The following DTWD1 variants were observed in gnomAD, a reference collection of about 807,000 sequenced individuals.
DTWD1 encodes the protein tRNA-uridine aminocarboxypropyltransferase 1.
DTWD1 carries 27 observed loss-of-function variants against 30.2 expected under a neutral mutation model. That is an observed-to-expected ratio of 0.90 (90% confidence interval 0.66 to 1.23). DTWD1 has a LOEUF of 1.23. DTWD1 is among the 50% of genes most tolerant of loss of function. The pLI, the probability that DTWD1 is intolerant of heterozygous loss-of-function variation, is 0.00. For missense variants in DTWD1, 342 were observed against 348.8 expected, an observed-to-expected ratio of 0.98 and a Z score of 0.15; for synonymous variants, 99 against 113.1, an observed-to-expected ratio of 0.88 and a Z score of 0.79.
At chr15:49,641,419 C>T (rs1433248708) in intron 4 of DTWD1, among the ~76,000 whole-genome samples, 3 of 152,022 alleles carry the variant, frequency 2.0e-5, no homozygotes, top group African/African-American at 7.2e-5. Context: ...AAGCTTCATT[C>T]AGCCTCCTCC....
rs188510171 is a variant in DTWD1 at position 49,626,604 on chromosome 15, C to T, written c.264+1173C>T. 772 of 278,360 alleles carry T rather than the reference C, an allele frequency of 2.8e-3. 12 individuals are homozygous for T. Among genetic ancestry groups the T allele is most frequent in the African/African-American group, 0.016 (730 of 46,096 alleles). The allele number at this position is 278,360 out of a possible 1,614,324, so 17.2% of individuals were successfully genotyped here. ...AAGACTTTAGAGAGACTAAATTCTA[C>T]ACATGGACTCATTAGAACTTGCCAG... On this transcript the variant is annotated intron_variant, in intron 2 of 4. Transcript: ENST00000403028.
At chr15:49,631,972 C>T in intron 2 of DTWD1, 187 bp from the exon 3 acceptor site, 1 of 636,676 alleles carries the variant, frequency 1.6e-6, no homozygotes, top group South Asian at 1.8e-5. Flanking sequence ...AATAACAATG[C>T]CAAGGAAGAA....
chr15:49,645,282 T>A lies in DTWD1; in HGVS notation c.*1704T>A, dbSNP rs1438454373. 1.3e-5 allele frequency: 2 copies of A among 152,174 alleles called. No individual in the cohort carries two copies. Among genetic ancestry groups the A allele is most frequent in the African/African-American group, 4.8e-5 (2 of 41,440 alleles). The allele number at this position is 152,174 out of a possible 1,614,324, so 9.4% of individuals were successfully genotyped here. On this transcript the variant is annotated 3_prime_UTR_variant, in exon 5 of 5. Transcript: ENST00000403028. ...AGAATTAAAGAGGTAAGTAAATTAT[T>A]GATAGATCATACACCTAGTTAGTAG...
chr15:49,642,255 T>C (rs1372814438), intron 4 of DTWD1, among the ~76,000 whole-genome samples: 1 of 152,156 alleles, frequency 6.6e-6, no homozygotes, highest in African/African-American at 2.4e-5. Flanking sequence ...CACTTTAAAA[T>C]AAAATTTGCA....
In DTWD1 at chr15:49,629,374, T is replaced by G. The variant is rs751378210; in HGVS notation, c.265-2785T>G. ...TTAAAAAAATAGGCTAGGCACATGA[T>G]TTATAAAATTTGTCAATAACACTCC... On this transcript the variant is annotated intron_variant, in intron 2 of 4. Coordinates refer to ENST00000403028, the MANE Select transcript of DTWD1 (RefSeq NM_001144955.2). Among the ~76,000 whole-genome samples, 78 of 152,184 alleles carry G rather than the reference T, an allele frequency of 5.1e-4. 1 individual carries two copies. Among genetic ancestry groups the G allele is most frequent in the Non-Finnish European group, 9.7e-4 (66 of 68,024 alleles).
At chr15:49,629,662 ACT>A (rs1410304644) in intron 2 of DTWD1, 2 of 152,058 alleles carry the variant, frequency 1.3e-5, no homozygotes, top group East Asian at 1.9e-4. Flanking sequence ...TCATGAGGAA[ACT>A]CTGATGTAGT....
chr15:49,623,619 A>T (rs969561679), intron 1 of DTWD1: 4 of 152,206 alleles, frequency 2.6e-5, no homozygotes, highest in African/African-American at 9.7e-5. Context: ...GGAGATCTCC[A>T]AACCTCCTGA....
At chr15:49,625,941 G>C (rs1203663586) in intron 2 of DTWD1, among the ~76,000 whole-genome samples, 2 of 152,032 alleles carry the variant, frequency 1.3e-5, no homozygotes, top group Non-Finnish European at 2.9e-5. Context: ...TCTGAACAAA[G>C]AATAAGAACA....
chr15:49,631,070 A>G, intron 2 of DTWD1: 2 of 401,750 alleles, frequency 5.0e-6, no homozygotes, highest in Non-Finnish European at 1.0e-5. Context: ...TGAGTTGTAT[A>G]ATTATTTCAT....
At chr15:49,630,962 C>T in intron 2 of DTWD1, 1 of 446,368 alleles carries the variant, frequency 2.2e-6, no homozygotes, top group Non-Finnish European at 4.5e-6. Flanking sequence ...TTAGGAGAAT[C>T]CAATGCCTGA....
chr15:49,629,247 C>A (rs998355679), intron 2 of DTWD1, among the ~76,000 whole-genome samples: 3 of 152,092 alleles, frequency 2.0e-5, no homozygotes, highest in African/African-American at 7.2e-5. Flanking sequence ...TGTGAGAGAT[C>A]TCACGCTCAT....
intron 1 of DTWD1, among the ~76,000 whole-genome samples, chr15:49,624,301 C>A (rs1323454452): frequency 6.6e-6 from 1 of 152,176 alleles, no homozygotes. Context: ...TATTTTACAG[C>A]TGTGGAATGC....
At chr15:49,640,597 A>G (rs1180761840) in intron 4 of DTWD1, among the ~76,000 whole-genome samples, 1 of 152,110 alleles carries the variant, frequency 6.6e-6, no homozygotes, top group Admixed American at 6.6e-5. Flanking sequence ...CTACCTTGGT[A>G]TTATCAAATG....
intron 4 of DTWD1, among the ~76,000 whole-genome samples, chr15:49,635,386 G>A (rs1186662112): frequency 6.6e-6 from 1 of 152,112 alleles, no homozygotes; most frequent in Non-Finnish European, 1.5e-5. Flanking sequence ...AATAAAGAAT[G>A]ACATCTCTTT....
Position 49,645,616 on chromosome 15 carries a change from T to A in DTWD1, c.*2038T>A, listed in dbSNP as rs2079112762. On this transcript the variant is annotated 3_prime_UTR_variant, in exon 5 of 5. Coordinates refer to ENST00000403028, the MANE Select transcript of DTWD1 (RefSeq NM_001144955.2). ...ATTTGGACTTCCCTGAGCCAAAATC[T>A]ATTGCATTTAACTGGCTTTACAAAC... The A allele has an allele frequency of 6.6e-6, 1 of 152,036 alleles. No individual in the cohort carries two copies. The highest frequency in any genetic ancestry group is 1.5e-5 in the Non-Finnish European group (1 of 67,994). 9.4% of individuals were successfully genotyped at this position (152,036 alleles called of 1,614,324 possible).
In DTWD1 at chr15:49,648,046, T is replaced by C. The variant is rs1346134655; in HGVS notation, c.*4468T>C. 6.6e-6 allele frequency: 1 copy of C among 152,160 alleles called. No individual in the cohort carries two copies. The highest frequency in any genetic ancestry group is 2.4e-5 in the African/African-American group (1 of 41,440). 9.4% of individuals were successfully genotyped at this position (152,160 alleles called of 1,614,324 possible). A position where few individuals can be genotyped will look rare whatever the true frequency, so the allele number is the denominator to read the frequency against. On this transcript the variant is annotated 3_prime_UTR_variant, in exon 5 of 5. Transcript: ENST00000403028. The stretch of plus-strand genomic sequence containing the variant: ...TGCAACCATAGGCTACATGTTACAT[T>C]GTATTTAATTAAAAACCTTAAGAGG...
intron 3 of DTWD1, among the ~76,000 whole-genome samples, chr15:49,632,951 G>A (rs994340790): frequency 2.6e-5 from 4 of 151,406 alleles, no homozygotes; most frequent in Admixed American, 2.6e-4. Flanking sequence ...GAGGCCATTT[G>A]TTGGTGTGGC....
chr15:49,621,059 C>G lies in DTWD1; in HGVS notation c.-119C>G, dbSNP rs929075189. The G allele has an allele frequency of 6.6e-6, 1 of 152,594 alleles. No homozygotes were observed. The allele number at this position is 152,594 out of a possible 1,614,324, so 9.5% of individuals were successfully genotyped here. A position where few individuals can be genotyped will look rare whatever the true frequency, so the allele number is the denominator to read the frequency against. ...GTCCGTGCGCGATCACGGCCCGGCG[C>G]GTGGCTCGGGCTCGGGCGGAGCTGG... On this transcript the variant is annotated 5_prime_UTR_variant, in exon 1 of 5. Transcript: ENST00000403028.
chr15:49,626,823 A>G (rs756764449), intron 2 of DTWD1: 3 of 428,770 alleles, frequency 7.0e-6, no homozygotes, highest in South Asian at 5.0e-5. Flanking sequence ...AAAGTTTACT[A>G]GCCAAGAATA....
Sources: gnomAD v4.1 joint callset for allele counts (sites outside exome capture counted in the v4.1 genomes callset) on GRCh38, gnomAD v4.1.1 for gene constraint, MANE v1.5 for transcripts, NCBI Gene and HGNC (gene_info 2026-07-23, HGNC 2026-07-21) for gene names.